Variants in SCRIB observed in about 807,000 individuals in gnomAD.
The protein encoded by SCRIB is protein scribble homolog.
In SCRIB, 72 loss-of-function variants were observed where a neutral mutation model predicts 170.0. The ratio of observed to expected loss-of-function variants is 0.42; its 90% CI spans 0.35 to 0.52. The LOEUF (loss-of-function observed/expected upper bound fraction) is 0.52, where lower values mean the gene tolerates loss of function less well. SCRIB is among the 20% of genes least tolerant of loss of function. The pLI is 0.02. For missense variants in SCRIB, 2,475 were observed against 2,338.5 expected (o/e 1.06, Z -1.20); for synonymous variants, 1,298 against 1,044.3 (o/e 1.24, Z -4.68).
At chr8:143,791,610 G>A (rs980290475) in intron 35 of SCRIB, 56 bp downstream of exon 35, 19 of 1,520,792 alleles carry the variant, frequency 1.2e-5, no homozygotes, top group Admixed American at 1.7e-5. Flanking sequence ...AGCGGATGGG[G>A]GCGGTGGCAG....
Position 143,792,747 on chromosome 8 carries a change from C to T in SCRIB, c.4138G>A (p.Val1380Met). 1 of 1,592,354 alleles carries T rather than the reference C, an allele frequency of 6.3e-7. No homozygotes were observed. Among genetic ancestry groups the T allele is most frequent in the South Asian group, 1.1e-5 (1 of 88,772 alleles). The change falls in exon 30 of 37, where the codon GTG (valine) becomes ATG (methionine). Residue 1380 changes from valine (V) to methionine (M), a missense_variant. Val to Met is a conservative substitution (Grantham distance 21, BLOSUM62 1). Coordinates refer to ENST00000356994, the MANE Select transcript of SCRIB (RefSeq NM_182706.5). ...AEGPPKRVSLVGADDLRKMQE... is the reference protein window; with the variant it reads ...AEGPPKRVSLMGADDLRKMQE... ...ATCTTCCGCAGGTCGTCAGCACCCACCAGGGACACGCGCTTAGGGGGGCCC... is the reference window on the plus strand; with the variant it reads ...ATCTTCCGCAGGTCGTCAGCACCCATCAGGGACACGCGCTTAGGGGGGCCC...
At chr8:143,802,577 G>A (rs1209700864) in intron 24 of SCRIB, among the ~76,000 whole-genome samples, 3 of 152,266 alleles carry the variant, frequency 2.0e-5, no homozygotes, top group African/African-American at 7.2e-5. Flanking sequence ...GGCCCTCCCG[G>A]GACCCACCCT....
rs1260377265 is a variant in SCRIB at position 143,805,291 on chromosome 8, C to T, written c.2491G>A (p.Glu831Lys). ...NAVTITPLRP[E>K]DDYSPRERRG... ...CGCTCTCGGGGGCTGTAATCATCCT[C>T]GGGCCGCAGCGGCGTGATGGTGACC... Residue 831 changes from glutamate to lysine, a missense_variant, in exon 19 of 37, where the codon GAG (glutamate) becomes AAG (lysine). By Grantham distance (56) the Glu-to-Lys change is moderately conservative (BLOSUM62 1). Around this residue, in one of 3 missense-constraint regions of SCRIB, gnomAD observed 1,966 missense variants for 1,742.9 expected, o/e 1.13. Coordinates refer to ENST00000356994, the MANE Select transcript of SCRIB (RefSeq NM_182706.5). 7 of 1,549,062 alleles carry T rather than the reference C, an allele frequency of 4.5e-6. No homozygotes were observed. Among genetic ancestry groups the T allele is most frequent in the African/African-American group, 2.7e-5 (2 of 73,292 alleles).
intron 28 of SCRIB, 94 bp downstream of exon 28, chr8:143,793,806 C>T (rs574940024): frequency 3.9e-6 from 5 of 1,269,996 alleles, no homozygotes; most frequent in Non-Finnish European, 5.6e-6. Context: ...TGGCCCCTGA[C>T]CCCCCATCCC....
At chr8:143,794,954 G>A (rs1041197574) in intron 27 of SCRIB, 84 bp downstream of exon 27, 44 of 1,370,816 alleles carry the variant, frequency 3.2e-5, no homozygotes, top group Admixed American at 5.5e-5. Flanking sequence ...GTTCCCTCCC[G>A]GATGGCCCTG....
At chr8:143,794,213 G>A in intron 27 of SCRIB, 1 of 519,720 alleles carries the variant, frequency 1.9e-6, no homozygotes, top group Non-Finnish European at 3.5e-6. Context: ...CTTTGCAGGA[G>A]AGATGGGAGC....
At chr8:143,802,328 C>G (rs1465691156) in intron 24 of SCRIB, among the ~76,000 whole-genome samples, 1 of 152,260 alleles carries the variant, frequency 6.6e-6, no homozygotes, top group Non-Finnish European at 1.5e-5. Context: ...CACTCTGTGA[C>G]TGTCAGCCTG....
At position 143,810,928 on chromosome 8, in the gene SCRIB, G is replaced by A. The variant is rs1344101145; in HGVS notation, c.1251C>T (p.Pro417=). Residue 417 remains proline (P), a synonymous_variant, in exon 11 of 37, where the codon CCC becomes CCT. Transcript: ENST00000356994. ...TACCGAGGCTGGGTGGGGGCTGCTG[G>A]GGCAGCAAGTAGCAGGTGAGCACCT... ...GEKVLTCYLL[P]QQPPPSLEDA... 3 of 1,611,632 alleles carry A rather than the reference G, an allele frequency of 1.9e-6. No individual in the cohort carries two copies. Among genetic ancestry groups the A allele is most frequent in the African/African-American group, 1.3e-5 (1 of 74,920 alleles).
At chr8:143,807,114 T>C in intron 16 of SCRIB, 101 bp from the exon 17 acceptor site, 1 of 862,222 alleles carries the variant, frequency 1.2e-6, no homozygotes, top group Non-Finnish European at 1.9e-6. Flanking sequence ...TTCTGGCTTT[T>C]CTCTAGGCAG....
chr8:143,808,573 GA>G, intron 15 of SCRIB, 35 bp downstream of exon 15: 1 of 1,494,502 alleles, frequency 6.7e-7, no homozygotes, highest in Non-Finnish European at 8.9e-7. Flanking sequence ...AGGGCCAGGG[GA>G]ATCTGGGTCA....
At chr8:143,814,748 G>C (rs564823602) in intron 1 of SCRIB, 7 of 168,586 alleles carry the variant, frequency 4.2e-5, no homozygotes, top group African/African-American at 9.5e-5. Context: ...GAGAGCACCT[G>C]ACCACGAGAA....
rs772262523 is a variant in SCRIB at position 143,815,285 on chromosome 8, C to T, written c.88G>A (p.Glu30Lys). The part of the protein sequence containing the change: ...RHCSLQAVPE[E>K]IYRYSRSLEE... ...AGGCTGCGGCTGTAGCGGTAGATCT[C>T]CTCCGGCACGGCCTGCAGCGAACAG... The change falls in exon 1 of 37, where the codon GAG (glutamate) becomes AAG (lysine). Residue 30 changes from glutamate to lysine, a missense_variant. Transcript: ENST00000356994. The T allele has an allele frequency of 1.3e-6, 2 of 1,597,242 alleles. No individual in the cohort carries two copies. Among genetic ancestry groups the T allele is most frequent in the Non-Finnish European group, 1.7e-6 (2 of 1,174,744 alleles).
rs782741509 is a variant in SCRIB, at chr8:143,804,899, A to ATGGG, written c.2751+31_2751+34dup. On this transcript the variant is annotated intron_variant, in intron 20 of 36. Coordinates refer to ENST00000356994, the MANE Select transcript of SCRIB (RefSeq NM_182706.5). The stretch of plus-strand genomic sequence containing the variant: ...GAGGGCGCGGGGCGGGGCAGGGGGG[A>ATGGG]TGGGTGGGTGGGGCGGGGCCCCATC... The ATGGG allele has an allele frequency of 6.5e-3, 729 of 112,122 alleles. 3 individuals carry two copies. Among genetic ancestry groups the ATGGG allele is most frequent in the East Asian group, 0.031 (21 of 676 alleles). 6.9% of individuals were successfully genotyped at this position (112,122 alleles called of 1,614,324 possible).
At chr8:143,813,170 G>C (rs1160647858) in intron 6 of SCRIB, 66 bp from the exon 7 acceptor site, 1 of 1,585,822 alleles carries the variant, frequency 6.3e-7, no homozygotes, top group East Asian at 2.2e-5. Context: ...GTGCTCAAGA[G>C]ACTATACGCC....
rs56208110 is a variant in SCRIB at position 143,796,440 on chromosome 8, T to G, written c.3604-910A>C. On this transcript the variant is annotated intron_variant, in intron 24 of 36. Coordinates refer to ENST00000356994, the MANE Select transcript of SCRIB (RefSeq NM_182706.5). ...TTAAAAACACAGCTGAAATGGTAAG[T>G]AAGGGGCAGGCAAAGAGATGCCAGG... 6.0e-3 allele frequency among the ~76,000 whole-genome samples: 915 copies of G among 151,674 alleles called. 1 individual carries two copies. The highest frequency in any genetic ancestry group is 9.5e-3 in the Non-Finnish European group (642 of 67,902).
Position 143,810,587 on chromosome 8 carries a change from G to A in SCRIB, c.1422C>T (p.Ala474=), listed in dbSNP as rs757305366. Reference sequence around the variant, plus strand: ...CCTTGAGCTCGCTGGGGTGAGGTGTGGCCCGGCGCTGTAGGCCCTGTTGTA... The same window carrying A: ...CCTTGAGCTCGCTGGGGTGAGGTGTAGCCCGGCGCTGTAGGCCCTGTTGTA... ...AAEKRGLQRR[A]TPHPSELKVM... The change falls in exon 13 of 37, where the codon GCC becomes GCT. Residue 474 remains alanine, a synonymous_variant. Coordinates refer to ENST00000356994, the MANE Select transcript of SCRIB (RefSeq NM_182706.5). 4 of 1,613,648 alleles carry A rather than the reference G, an allele frequency of 2.5e-6. No individual in the cohort carries two copies. The highest frequency in any genetic ancestry group is 2.2e-5 in the East Asian group (1 of 44,878).
intron 13 of SCRIB, among the ~76,000 whole-genome samples, chr8:143,810,275 C>T (rs1815645214): frequency 6.6e-6 from 1 of 152,186 alleles, no homozygotes; most frequent in African/African-American, 2.4e-5. Flanking sequence ...CCCCACAGAC[C>T]CGCCCTGCAC....
rs782025353 is a variant in SCRIB, at chr8:143,791,887, G to A, written c.4684C>T (p.Pro1562Ser). Reference protein sequence around the residue: ...EDLGPQTSTSPGRLPLSGKKF... With the variant: ...EDLGPQTSTSSGRLPLSGKKF... ...CACCGGCTCCTCACCAGGCGTCCCGGGGAGGTGCTGGTCTGGGGGCCGAGG... is the reference window on the plus strand; with the variant it reads ...CACCGGCTCCTCACCAGGCGTCCCGAGGAGGTGCTGGTCTGGGGGCCGAGG... The change falls in exon 34 of 37, where the codon CCG (proline) becomes TCG (serine). Residue 1562 changes from proline to serine, a missense_variant. Coordinates refer to ENST00000356994, the MANE Select transcript of SCRIB (RefSeq NM_182706.5). The A allele has an allele frequency of 3.3e-6, 5 of 1,528,364 alleles. No individual in the cohort carries two copies. The highest frequency in any genetic ancestry group is 2.5e-5 in the South Asian group (2 of 79,576). 94.7% of individuals were successfully genotyped at this position (1,528,364 alleles called of 1,614,324 possible). A position where few individuals can be genotyped will look rare whatever the true frequency, so the allele number is the denominator to read the frequency against.
Position 143,812,401 on chromosome 8 carries a change from A to G in SCRIB, c.788-17T>C, listed in dbSNP as rs538080302. The stretch of plus-strand genomic sequence containing the variant: ...TCAGCTGACCTGGCGTCGGGGAGAC[A>G]GGGGGACAAGGCTGAGCATGGTCCC... On this transcript the variant is annotated splice_polypyrimidine_tract_variant and intron_variant, in intron 8 of 36. Coordinates refer to ENST00000356994, the MANE Select transcript of SCRIB (RefSeq NM_182706.5). 6.4e-7 allele frequency: 1 copy of G among 1,568,230 alleles called. No homozygotes were observed. The highest frequency in any genetic ancestry group is 8.8e-7 in the Non-Finnish European group (1 of 1,138,704).
Sources: gnomAD v4.1 joint callset for allele counts (sites outside exome capture counted in the v4.1 genomes callset) on GRCh38, gnomAD v4.1.1 for gene constraint, gnomAD v4.1.1 regional missense constraint, MANE v1.5 for transcripts, NCBI Gene and HGNC (gene_info 2026-07-23, HGNC 2026-07-21) for gene names.